Variants in LAMC3 observed in about 807,000 individuals in gnomAD.
The protein encoded by LAMC3 is laminin subunit gamma-3.
In LAMC3, 128 loss-of-function variants were observed where a neutral mutation model predicts 173.8. The observed-to-expected ratio is 0.74, with a 90% confidence interval of 0.64 to 0.85. LAMC3 has a LOEUF of 0.85. LAMC3 is among the 40% of genes least tolerant of loss of function. LAMC3 has a pLI of 0.00. For missense variants in LAMC3, 2,022 were observed against 2,156.0 expected, an observed-to-expected ratio of 0.94 and a Z score of 1.23; for synonymous variants, 897 against 909.1, an observed-to-expected ratio of 0.99 and a Z score of 0.24.
At chr9:131,067,285 T>C in intron 14 of LAMC3, 80 bp downstream of exon 14, 1 of 1,581,446 alleles carries the variant, frequency 6.3e-7, no homozygotes, top group East Asian at 2.2e-5. Context: ...CCAGAAGGGG[T>C]GGCTGAGGAA....
Position 131,091,838 on chromosome 9 carries a change from C to T in LAMC3, c.*51C>T, listed in dbSNP as rs746801303. On this transcript the variant is annotated 3_prime_UTR_variant, in exon 28 of 28. Coordinates refer to ENST00000361069, the MANE Select transcript of LAMC3 (RefSeq NM_006059.4). The stretch of plus-strand genomic sequence containing the variant: ...CTCCCCCACCTGCTGTTTACATGAC[C>T]CAGGGGGTGCACACTACCCCACAGG... 6.2e-6 allele frequency: 10 copies of T among 1,602,232 alleles called. No individual in the cohort carries two copies. The highest frequency in any genetic ancestry group is 1.7e-5 in the Admixed American group (1 of 59,806).
intron 7 of LAMC3, among the ~76,000 whole-genome samples, chr9:131,044,392 C>T (rs1246658946): frequency 6.6e-6 from 1 of 152,078 alleles, no homozygotes. Flanking sequence ...CACCTGTAGT[C>T]CCAGCTACTT....
At chr9:131,016,440 C>T (rs1833520834) in intron 1 of LAMC3, among the ~76,000 whole-genome samples, 1 of 152,162 alleles carries the variant, frequency 6.6e-6, no homozygotes, top group African/African-American at 2.4e-5. Flanking sequence ...CATGTCAGCC[C>T]CGTGGGAAGG....
rs550201179 is a variant in LAMC3 at position 131,057,655 on chromosome 9, C to A, written c.2158+508C>A. On this transcript the variant is annotated intron_variant, in intron 12 of 27. Coordinates refer to ENST00000361069, the MANE Select transcript of LAMC3 (RefSeq NM_006059.4). ...CTTAGTGGCCATGGGAAAGTCACTT[C>A]CCTCCCTGAGCCTGCTTCCTCTTCT... Among the ~76,000 whole-genome samples, 46 of 152,338 alleles carry A rather than the reference C, an allele frequency of 3.0e-4. 1 individual carries two copies. The South Asian group carries it at 8.1e-3, about 27-fold the overall frequency.
chr9:131,068,252 G>T (rs371130744), intron 15 of LAMC3, 21 bp downstream of exon 15: 1 of 1,602,884 alleles, frequency 6.2e-7, no homozygotes, highest in South Asian at 1.1e-5. Flanking sequence ...TGAGACTGCC[G>T]GTGCCCTGGG....
intron 23 of LAMC3, 147 bp downstream of exon 23, chr9:131,079,445 A>G (rs1830196000): frequency 1.4e-5 from 13 of 941,526 alleles, no homozygotes; most frequent in South Asian, 1.3e-4. Flanking sequence ...CTGTAATCCC[A>G]CCACTTTGGG....
chr9:131,066,880 C>T, intron 13 of LAMC3, 80 bp from the exon 14 acceptor site: 1 of 1,570,382 alleles, frequency 6.4e-7, no homozygotes, highest in Non-Finnish European at 8.7e-7. Flanking sequence ...TGGAGGGACG[C>T]TTGCTCTGCT....
At chr9:131,046,516 G>GTTTTTTTTTTTT (rs1443313320) in intron 8 of LAMC3, among the ~76,000 whole-genome samples, 2 of 38,756 alleles carry the variant, frequency 5.2e-5, no homozygotes, top group Admixed American at 2.7e-4. Flanking sequence ...GCTAATTTTT[G>GTTTTTTTTTTTT]TATTTTTTTT....
intron 1 of LAMC3, among the ~76,000 whole-genome samples, chr9:131,024,312 A>AT (rs1323880249): frequency 1.3e-5 from 2 of 151,806 alleles, no homozygotes; most frequent in African/African-American, 2.4e-5. Flanking sequence ...CACCTGGCTA[A>AT]TTTTTTTATT....
rs1830252319 is a variant in LAMC3 at position 131,082,062 on chromosome 9, C to T, written c.3931C>T (p.His1311Tyr). The T allele has an allele frequency of 1.2e-6, 2 of 1,613,230 alleles. No individual in the cohort carries two copies. The highest frequency in any genetic ancestry group is 1.7e-6 in the Non-Finnish European group (2 of 1,179,446). ...LRQTEPLTKL[H>Y]QEARAALTQA... ...GCCTCTCCTCATCTCTCTCCAGCTG[C>T]ACCAGGAGGCCAGAGCCGCCCTGAC... The change falls in exon 24 of 28, where the codon CAC (histidine) becomes TAC (tyrosine). Residue 1311 changes from histidine to tyrosine, a missense_variant. By Grantham distance (83) the His-to-Tyr change is moderately conservative (BLOSUM62 2). Coordinates refer to ENST00000361069, the MANE Select transcript of LAMC3 (RefSeq NM_006059.4).
At chr9:131,022,215 A>AACACACACACAC (rs56948132) in intron 1 of LAMC3, among the ~76,000 whole-genome samples, 2,456 of 144,712 alleles carry the variant, frequency 0.017, 69 homozygotes, top group African/African-American at 0.052. Context: ...TGTGGATGAA[A>AACACACACACAC]ACACACACAC....
intron 12 of LAMC3, among the ~76,000 whole-genome samples, chr9:131,060,005 A>C (rs1829776451): frequency 6.6e-6 from 1 of 152,048 alleles, no homozygotes; most frequent in African/African-American, 2.4e-5. Flanking sequence ...CAGGCTTCTC[A>C]CTCAGTCCCT....
At chr9:131,087,350 C>CATGA (rs1226491021) in intron 25 of LAMC3, 126 bp from the exon 26 acceptor site, 2 of 1,213,442 alleles carry the variant, frequency 1.6e-6, no homozygotes, top group Admixed American at 1.7e-5. Context: ...TTGTTGCGTG[C>CATGA]ATGAATGAAT....
chr9:131,018,957 G>A (rs1427214925), intron 1 of LAMC3, among the ~76,000 whole-genome samples: 2 of 152,170 alleles, frequency 1.3e-5, no homozygotes, highest in East Asian at 3.9e-4. Flanking sequence ...ACTTTGTCCT[G>A]TTCTATAAAG....
chr9:131,051,383 G>C (rs1315061829), intron 9 of LAMC3, among the ~76,000 whole-genome samples: 3 of 30,488 alleles, frequency 9.8e-5, no homozygotes, highest in Non-Finnish European at 2.0e-4. Flanking sequence ...TTTTTTTTTT[G>C]AGACGGAGTC....
At chr9:131,074,991 CA>C (rs1830098886) in intron 20 of LAMC3, among the ~76,000 whole-genome samples, 1 of 151,876 alleles carries the variant, frequency 6.6e-6, no homozygotes, top group East Asian at 1.9e-4. Context: ...TGGCCAGGCA[CA>C]GTGGCTCACA....
chr9:131,078,600 C>T (rs955175589), intron 22 of LAMC3, among the ~76,000 whole-genome samples: 2 of 152,214 alleles, frequency 1.3e-5, no homozygotes, highest in African/African-American at 2.4e-5. Context: ...CCTCCCACTG[C>T]GTGCGGAGAG....
rs140066207 is a variant in LAMC3, at chr9:131,041,683, C to T, written c.1330C>T (p.Arg444Cys). ...PAGSLDTCDP[R>C]SGRCPCKENV... ...TGGCAGCCTGGACACCTGTGACCCC[C>T]GCAGTGGGCGCTGCCCCTGCAAAGA... The change falls in exon 7 of 28, where the codon CGC becomes TGC. Residue 444 changes from arginine to cysteine, a missense_variant. Transcript: ENST00000361069. 149 of 1,614,120 alleles carry T rather than the reference C, an allele frequency of 9.2e-5. 2 individuals are homozygous for T. The highest frequency in any genetic ancestry group is 2.5e-4 in the African/African-American group (19 of 75,064).
At chr9:131,069,157 A>T in intron 16 of LAMC3, 107 bp downstream of exon 16, 1 of 1,337,186 alleles carries the variant, frequency 7.5e-7, no homozygotes, top group East Asian at 2.3e-5. Flanking sequence ...GGATCGTCAG[A>T]CATGGGACAG....
Sources: allele counts gnomAD v4.1 joint callset (sites outside exome capture counted in the v4.1 genomes callset), GRCh38; gene constraint gnomAD v4.1.1; transcripts MANE v1.5; gene names NCBI Gene and HGNC (gene_info 2026-07-23, HGNC 2026-07-21).